LIMS1: variants seen among roughly 807,000 people sequenced by gnomAD.
The protein encoded by LIMS1 is LIM and senescent cell antigen-like-containing domain protein 1.
In LIMS1, 18 loss-of-function variants were observed where a neutral mutation model predicts 44.1. The ratio of observed to expected loss-of-function variants is 0.41; its 90% confidence interval spans 0.28 to 0.61. The LOEUF (loss-of-function observed/expected upper bound fraction) is 0.61, where lower values mean the gene tolerates loss of function less well. Among genes scored for constraint, LIMS1 ranks in the 20% least tolerant of loss-of-function variants. The pLI is 0.32. For synonymous variants in LIMS1, 93 were observed against 149.1 expected (o/e 0.62, Z 2.74); for missense variants, 201 against 422.0 (o/e 0.48, Z 4.59).
At chr2:108,567,045 A>G (rs907350878) in intron 1 of LIMS1, among the ~76,000 whole-genome samples, 2 of 152,192 alleles carry the variant, frequency 1.3e-5, no homozygotes, top group Non-Finnish European at 2.9e-5. Flanking sequence ...GCTCCTGGCA[A>G]CCACTGTTCT....
chr2:108,640,344 T>C (rs1047580941), intron 1 of LIMS1, among the ~76,000 whole-genome samples: 1 of 152,202 alleles, frequency 6.6e-6, no homozygotes, highest in Non-Finnish European at 1.5e-5. Context: ...GAGAGGTGCT[T>C]CTTAAGAAAC....
At chr2:108,566,477 C>A (rs1046033375) in intron 1 of LIMS1, among the ~76,000 whole-genome samples, 5 of 152,186 alleles carry the variant, frequency 3.3e-5, no homozygotes, top group African/African-American at 1.2e-4. Flanking sequence ...TGCCCAGGGC[C>A]ACACAGTAGG....
At chr2:108,552,691 G>A (rs1426002151) in intron 1 of LIMS1, among the ~76,000 whole-genome samples, 1 of 151,182 alleles carries the variant, frequency 6.6e-6, no homozygotes, top group Non-Finnish European at 1.5e-5. Context: ...CCAGGCTGAA[G>A]CAATCCTCCC....
intron 1 of LIMS1, among the ~76,000 whole-genome samples, chr2:108,583,700 C>CTTTTTTTTT (rs759827869): frequency 0.012 from 1,525 of 129,734 alleles, 71 homozygotes; most frequent in African/African-American, 0.039. Flanking sequence ...GTTGCTGTTT[C>CTTTTTTTTT]TTTTTTTTTT....
intron 1 of LIMS1, among the ~76,000 whole-genome samples, chr2:108,613,035 T>A (rs966789965): frequency 3.3e-5 from 5 of 152,144 alleles, no homozygotes; most frequent in Non-Finnish European, 5.9e-5. Context: ...ATCCACACAC[T>A]CTTATTGGTT....
At chr2:108,619,755 T>G (rs1340347039) in intron 1 of LIMS1, among the ~76,000 whole-genome samples, 1 of 152,212 alleles carries the variant, frequency 6.6e-6, no homozygotes, top group Non-Finnish European at 1.5e-5. Flanking sequence ...TTTCTATTAC[T>G]GTAAACTAAA....
chr2:108,683,953 T>C (rs1312680026), exon 10 of LIMS1: 1 of 1,603,728 alleles, frequency 6.2e-7, no homozygotes, highest in Non-Finnish European at 8.5e-7. Flanking sequence ...CCATTGGAGC[T>C]GAAGAAAAGA....
chr2:108,534,332 C>A (rs1684035107), upstream of LIMS1: 4 of 229,124 alleles, frequency 1.7e-5, no homozygotes, highest in Non-Finnish European at 2.5e-5. Flanking sequence ...GCCCGCCCCG[C>A]CAGTCCCCGC....
In LIMS1 at chr2:108,639,731, G is replaced by A. The variant is rs148847938; in HGVS notation, c.33-19874G>A. Among the ~76,000 whole-genome samples, 22 of 152,332 alleles carry A rather than the reference G, an allele frequency of 1.4e-4. No individual in the cohort carries two copies. In the South Asian group the frequency reaches 3.7e-3, roughly 26 times the overall value. On this transcript the variant is annotated intron_variant, in intron 1 of 9. Transcript: ENST00000544547. ...CTCCCAAAGTGCTGGGATTACAGAC[G>A]TGAGTCACCGTGCCCAGCCGTGTAC...
chr2:108,546,701 A>G (rs1411976894), intron 1 of LIMS1, among the ~76,000 whole-genome samples: 1 of 150,256 alleles, frequency 6.7e-6, no homozygotes, highest in Non-Finnish European at 1.5e-5. Flanking sequence ...TTTAAAGACA[A>G]TGGTATAAAT....
intron 1 of LIMS1, among the ~76,000 whole-genome samples, chr2:108,617,955 A>G (rs1688020615): frequency 6.6e-6 from 1 of 152,210 alleles, no homozygotes; most frequent in African/African-American, 2.4e-5. Flanking sequence ...GTTAAGGCAA[A>G]TGTCTTATTC....
At chr2:108,621,335 A>C in intron 1 of LIMS1, 2 of 1,549,942 alleles carry the variant, frequency 1.3e-6, no homozygotes, top group Non-Finnish European at 1.7e-6. Context: ...AGTGTCAGCA[A>C]TTGATGTGTG....
chr2:108,683,865 T>A lies in LIMS1; in HGVS notation c.900-20T>A, dbSNP rs766790419. 7 of 1,326,444 alleles carry A rather than the reference T, an allele frequency of 5.3e-6. No individual in the cohort carries two copies. The highest frequency in any genetic ancestry group is 1.9e-4 in the Middle Eastern group (1 of 5,190). The allele number at this position is 1,326,444 out of a possible 1,614,324, so 82.2% of individuals were successfully genotyped here. ...TATGTTTCCACTAACTTCTTTTTTTTTATAATTTTTTGTCTTTAGGAATAA... is the reference window on the plus strand; with the variant it reads ...TATGTTTCCACTAACTTCTTTTTTTATATAATTTTTTGTCTTTAGGAATAA... On this transcript the variant is annotated intron_variant, in intron 9 of 9. Coordinates refer to ENST00000544547, the Ensembl canonical transcript of LIMS1.
At position 108,585,150 on chromosome 2, in the gene LIMS1, C is replaced by CAAA. The variant is rs35679577; in HGVS notation, c.32+50575_32+50577dup. On this transcript the variant is annotated intron_variant, in intron 1 of 9. Coordinates refer to ENST00000544547, the Ensembl canonical transcript of LIMS1. ...TGGGCAACAGAGCATGACTCCGTCT[C>CAAA]AAAAAAAAAAAAAAAAAAAAAGGCG... Among the ~76,000 whole-genome samples, 54 of 69,134 alleles carry CAAA rather than the reference C, an allele frequency of 7.8e-4. 2 individuals carry two copies. Among genetic ancestry groups the CAAA allele is most frequent in the East Asian group, 5.5e-3 (9 of 1,622 alleles). The allele number at this position is 69,134 out of a possible 152,430, so 45.4% of individuals were successfully genotyped here. A position where few individuals can be genotyped will look rare whatever the true frequency, so the allele number is the denominator to read the frequency against.
intron 1 of LIMS1, among the ~76,000 whole-genome samples, chr2:108,545,236 G>T (rs1366496876): frequency 6.6e-6 from 1 of 152,128 alleles, no homozygotes; most frequent in East Asian, 1.9e-4. Context: ...TATCCTCAGG[G>T]TATATGGTTT....
At chr2:108,635,428 C>CT (rs1553463529) in intron 1 of LIMS1, among the ~76,000 whole-genome samples, 22 of 33,386 alleles carry the variant, frequency 6.6e-4, no homozygotes, top group South Asian at 1.8e-3. Flanking sequence ...GACTTCATCT[C>CT]TAAAAAAAAA....
At chr2:108,561,100 AGACCTTACT>A (rs1488184124) in intron 1 of LIMS1, among the ~76,000 whole-genome samples, 1 of 152,230 alleles carries the variant, frequency 6.6e-6, no homozygotes, top group Non-Finnish European at 1.5e-5. Flanking sequence ...ACACCAGTAC[AGACCTTACT>A]CTCAGTTGTG....
rs912203689 is a variant in LIMS1 at position 108,534,625 on chromosome 2, G to A, written c.32+31G>A. 3.6e-6 allele frequency: 4 copies of A among 1,105,148 alleles called. No homozygotes were observed. In the African/African-American group the frequency reaches 6.7e-5, roughly 19 times the overall value. The allele number at this position is 1,105,148 out of a possible 1,614,324, so 68.5% of individuals were successfully genotyped here. ...GGCCGCACCGCGCGGCCCCCGCCAC[G>A]TCCGCCCCGCAGCTCCCGGCGGGCC... is the stretch of plus-strand genomic sequence containing the variant. On this transcript the variant is annotated intron_variant, in intron 1 of 9. Transcript: ENST00000544547.
chr2:108,608,151 C>T (rs766214329), intron 1 of LIMS1, among the ~76,000 whole-genome samples: 2 of 152,116 alleles, frequency 1.3e-5, no homozygotes, highest in African/African-American at 2.4e-5. Flanking sequence ...ACGAAGAAGC[C>T]CTTTCCTTAA....
Sources: allele counts gnomAD v4.1 joint callset (sites outside exome capture counted in the v4.1 genomes callset), GRCh38; gene constraint gnomAD v4.1.1; transcripts MANE v1.5; gene names NCBI Gene and HGNC (gene_info 2026-07-23, HGNC 2026-07-21).